HMCN1: variants seen among roughly 807,000 people sequenced by gnomAD.
HMCN1 encodes the protein hemicentin-1.
Under a neutral mutation model 625.9 loss-of-function variants are expected in HMCN1, and 321 were observed. The observed-to-expected ratio is 0.51, with a 90% CI of 0.47 to 0.56. The LOEUF (loss-of-function observed/expected upper bound fraction) is 0.56. Ranked by LOEUF, HMCN1 falls within the 20% of genes least tolerant of loss-of-function variation. The pLI is 0.00. For missense variants in HMCN1, 6,588 were observed against 6,887.3 expected (o/e 0.96, Z 1.54); for synonymous variants, 2,425 against 2,417.6 (o/e 1.00, Z -0.09).
chr1:185,909,260 A>C, intron 4 of HMCN1, 77 bp from the exon 5 acceptor site: 1 of 1,152,600 alleles, frequency 8.7e-7, no homozygotes, highest in Non-Finnish European at 1.3e-6. Context: ...TTGATCACCC[A>C]AAGGACCTGA....
rs570531546 is a variant in HMCN1 at position 185,891,447 on chromosome 1, T to C, written c.622-17890T>C. ...TTTGGCATGATTTTGCAGCGGCTGGTACCGGTTGTTCCTTTCATGTTTAGT... is the reference window on the plus strand; with the variant it reads ...TTTGGCATGATTTTGCAGCGGCTGGCACCGGTTGTTCCTTTCATGTTTAGT... On this transcript the variant is annotated intron_variant, in intron 4 of 106. Transcript: ENST00000271588. Among the ~76,000 whole-genome samples, 333 of 148,524 alleles carry C rather than the reference T, an allele frequency of 2.2e-3. 3 individuals carry two copies. Among genetic ancestry groups the C allele is most frequent in the Non-Finnish European group, 1.0e-3 (70 of 68,030 alleles).
At chr1:186,157,749 G>A (rs930803198) in intron 97 of HMCN1, among the ~76,000 whole-genome samples, 1 of 152,154 alleles carries the variant, frequency 6.6e-6, no homozygotes, top group Non-Finnish European at 1.5e-5. Flanking sequence ...TTTCAACCAT[G>A]TCCCTACAAA....
intron 102 of HMCN1, 48 bp from the exon 103 acceptor site, chr1:186,174,466 T>C (rs750878726): frequency 8.7e-6 from 14 of 1,608,736 alleles, no homozygotes; most frequent in Non-Finnish European, 1.2e-5. Context: ...ACAATGACTT[T>C]GGGTTTGAAA....
chr1:185,865,666 A>G, intron 3 of HMCN1, 75 bp from the exon 4 acceptor site: 2 of 1,278,334 alleles, frequency 1.6e-6, no homozygotes, highest in Non-Finnish European at 2.2e-6. Context: ...ATGTAACACA[A>G]TAGGTAGTCA....
At chr1:185,925,014 G>A (rs1054160904) in intron 8 of HMCN1, 33 bp from the exon 9 acceptor site, 3 of 1,560,720 alleles carry the variant, frequency 1.9e-6, no homozygotes, top group African/African-American at 2.7e-5. Flanking sequence ...TCTTGCTTAA[G>A]TTTTTTGTTT....
intron 11 of HMCN1, among the ~76,000 whole-genome samples, chr1:185,955,900 C>T (rs569252113): frequency 9.9e-5 from 15 of 152,270 alleles, no homozygotes; most frequent in African/African-American, 2.9e-4. Flanking sequence ...GAGGTATCCT[C>T]ACTGCCTCCA....
intron 11 of HMCN1, among the ~76,000 whole-genome samples, chr1:185,942,500 A>G (rs1466052701): frequency 6.6e-6 from 1 of 152,206 alleles, no homozygotes; most frequent in African/African-American, 2.4e-5. Context: ...ATATCAACCC[A>G]CTGAATTATT....
rs762619052 is a variant in HMCN1 at position 186,174,536 on chromosome 1, G to A, written c.15837G>A (p.Gly5279=). 1.9e-6 allele frequency: 3 copies of A among 1,613,800 alleles called. No individual in the cohort carries two copies. Among genetic ancestry groups the A allele is most frequent in the South Asian group, 2.2e-5 (2 of 91,074 alleles). Residue 5279 remains glycine (G), a synonymous_variant, in exon 103 of 107, where the codon GGG becomes GGA. Coordinates refer to ENST00000271588, the MANE Select transcript of HMCN1 (RefSeq NM_031935.3). ...TAGATATTGATGAATGTAAAGATGG[G>A]ACCCATCAGTGCAGATATAACCAGA... ...TCIDIDECKD[G]THQCRYNQIC... is the part of the protein sequence containing the mutation.
chr1:185,743,290 A>C (rs140070320), intron 1 of HMCN1, among the ~76,000 whole-genome samples: 39 of 152,304 alleles, frequency 2.6e-4, no homozygotes, highest in African/African-American at 8.9e-4. Flanking sequence ...TTTACTTTTT[A>C]ACTCACAAGT....
chr1:186,119,793 A>G lies in HMCN1; in HGVS notation c.12005A>G (p.Asn4002Ser). The G allele has an allele frequency of 6.2e-7, 1 of 1,614,086 alleles. No homozygotes were observed. Among genetic ancestry groups the G allele is most frequent in the Non-Finnish European group, 8.5e-7 (1 of 1,179,954 alleles). The change falls in exon 79 of 107, where the codon AAC (asparagine) becomes AGC (serine). Residue 4002 changes from asparagine (N) to serine (S), a missense_variant. Transcript: ENST00000271588. ...CCAAGTGAACTACACGTCATTCTGAACAATCCTATTTTATTACCATGTGAA... is the reference window on the plus strand; with the variant it reads ...CCAAGTGAACTACACGTCATTCTGAGCAATCCTATTTTATTACCATGTGAA... ...PQPSELHVIL[N>S]NPILLPCEAT...
chr1:185,968,768 G>GT (rs1650599649), intron 14 of HMCN1, among the ~76,000 whole-genome samples: 1 of 151,930 alleles, frequency 6.6e-6, no homozygotes, highest in Non-Finnish European at 1.5e-5. Context: ...ATTTTACTAT[G>GT]TATAACATTC....
In HMCN1 at chr1:186,088,482, A is replaced by T. The variant is rs375289883; in HGVS notation, c.9578-124A>T. 54 of 1,367,328 alleles carry T rather than the reference A, an allele frequency of 3.9e-5. 1 individual carries two copies. Among genetic ancestry groups the T allele is most frequent in the East Asian group, 2.0e-4 (8 of 40,240 alleles). 84.7% of individuals were successfully genotyped at this position (1,367,328 alleles called of 1,614,324 possible). ...TAAAGAATTTTTTCTTTTTTAAAAA[A>T]GAAAATGGAGAACTTTTAAGAAATG... On this transcript the variant is annotated intron_variant, in intron 62 of 106. Coordinates refer to ENST00000271588, the MANE Select transcript of HMCN1 (RefSeq NM_031935.3).
chr1:185,891,806 G>C (rs900577116), intron 4 of HMCN1, among the ~76,000 whole-genome samples: 2 of 147,518 alleles, frequency 1.4e-5, no homozygotes, highest in Admixed American at 6.6e-5. Context: ...TGCTCTTCTC[G>C]AGGAGTATCT....
At chr1:185,973,510 A>G (rs1057118561) in intron 15 of HMCN1, among the ~76,000 whole-genome samples, 1 of 152,058 alleles carries the variant, frequency 6.6e-6, no homozygotes, top group Non-Finnish European at 1.5e-5. Context: ...GAAGAAAAGC[A>G]TGCTTTTATC....
intron 89 of HMCN1, 86 bp downstream of exon 89, chr1:186,138,058 A>G (rs1388555893): frequency 7.0e-7 from 1 of 1,433,278 alleles, no homozygotes; most frequent in Non-Finnish European, 9.7e-7. Flanking sequence ...TTTCTTCTTC[A>G]TTGTAAAAAG....
intron 1 of HMCN1, among the ~76,000 whole-genome samples, chr1:185,809,206 G>A (rs1659360296): frequency 6.6e-6 from 1 of 152,042 alleles, no homozygotes; most frequent in African/African-American, 2.4e-5. Flanking sequence ...AGACGGGGCT[G>A]GAGACTAAGG....
chr1:186,055,333 T>A, intron 44 of HMCN1, 60 bp from the exon 45 acceptor site: 1 of 1,498,406 alleles, frequency 6.7e-7, no homozygotes, highest in Non-Finnish European at 9.3e-7. Flanking sequence ...AAAATTCCTA[T>A]GTAAGACTTG....
intron 6 of HMCN1, among the ~76,000 whole-genome samples, chr1:185,920,115 G>C (rs1450739980): frequency 6.6e-6 from 1 of 152,166 alleles, no homozygotes; most frequent in African/African-American, 2.4e-5. Flanking sequence ...CTAAAATACT[G>C]TTCAAGTATT....
chr1:185,955,118 T>C (rs1266452559), intron 11 of HMCN1, among the ~76,000 whole-genome samples: 1 of 152,170 alleles, frequency 6.6e-6, no homozygotes, highest in African/African-American at 2.4e-5. Context: ...CAACTCAAAC[T>C]AAGCTATTAG....
Sources: allele counts gnomAD v4.1 joint callset (sites outside exome capture counted in the v4.1 genomes callset), GRCh38; gene constraint gnomAD v4.1.1; transcripts MANE v1.5; gene names NCBI Gene and HGNC (gene_info 2026-07-23, HGNC 2026-07-21).